HEMK2: variants seen among roughly 807,000 people sequenced by gnomAD.
The protein encoded by HEMK2 is HemK methyltransferase 2, ETF1 glutamine and histone H4 lysine.
At chr21:28,882,956 G>A in the HEMK2 span, 3 of 1,400,854 alleles carry the variant, frequency 2.1e-6, no homozygotes, top group Non-Finnish European at 3.0e-6. Flanking sequence ...CCTGTCAGTG[G>A]AAGATCTAGA....
At chr21:28,685,098 C>CA in the HEMK2 span, among the ~76,000 whole-genome samples, 2 of 151,664 alleles carry the variant, frequency 1.3e-5, no homozygotes, top group Admixed American at 1.3e-4. Context: ...AAAAAACCTA[C>CA]AAAAAACAGA....
At chr21:28,703,843 T>C in the HEMK2 span, among the ~76,000 whole-genome samples, 25 of 152,240 alleles carry the variant, frequency 1.6e-4, no homozygotes, top group African/African-American at 5.3e-4. Context: ...AAAATTACAG[T>C]GTAGTAACAC....
At chr21:28,675,002 C>G in the HEMK2 span, among the ~76,000 whole-genome samples, 3 of 152,142 alleles carry the variant, frequency 2.0e-5, no homozygotes, top group Non-Finnish European at 4.4e-5. Context: ...ATTCTGGGGG[C>G]ACATCAACAT....
the HEMK2 span, among the ~76,000 whole-genome samples, chr21:28,657,615 C>T: frequency 6.6e-6 from 1 of 152,074 alleles, no homozygotes; most frequent in Non-Finnish European, 1.5e-5. Flanking sequence ...GAAGTCAGAA[C>T]ACTTGAGATT....
At chr21:28,865,369 T>C in the HEMK2 span, among the ~76,000 whole-genome samples, 181 of 152,282 alleles carry the variant, frequency 1.2e-3, 3 homozygotes, top group African/African-American at 4.3e-3. Flanking sequence ...ATTCACCCTA[T>C]TGGCCAGGCT....
chr21:28,619,316 T>C, the HEMK2 span, among the ~76,000 whole-genome samples: 13 of 152,322 alleles, frequency 8.5e-5, no homozygotes, highest in East Asian at 2.1e-3. Context: ...ACAGCTCATA[T>C]AATTTTGTGC....
chr21:28,877,428 G>C, the HEMK2 span, among the ~76,000 whole-genome samples: 1 of 146,030 alleles, frequency 6.8e-6, no homozygotes, highest in Non-Finnish European at 1.5e-5. Context: ...GAAAGAAAGA[G>C]AGAGAGAAGG....
At chr21:28,667,885 A>C in the HEMK2 span, among the ~76,000 whole-genome samples, 1 of 152,194 alleles carries the variant, frequency 6.6e-6, no homozygotes, top group Non-Finnish European at 1.5e-5. Context: ...TAAATGAATT[A>C]ATACATGGAA....
At chr21:28,634,371 GTAGCTAACAGTACATTTCCA>G in the HEMK2 span, among the ~76,000 whole-genome samples, 1 of 152,204 alleles carries the variant, frequency 6.6e-6, no homozygotes, top group Non-Finnish European at 1.5e-5. Flanking sequence ...ATCTGTCGCA[GTAGCTAACAGTACATTTCCA>G]TGTATGTACT....
the HEMK2 span, among the ~76,000 whole-genome samples, chr21:28,697,203 C>A: frequency 6.6e-6 from 1 of 152,132 alleles, no homozygotes; most frequent in African/African-American, 2.4e-5. Flanking sequence ...CATTTTAAGC[C>A]TGCAAATTTT....
chr21:28,643,303 A>G, the HEMK2 span, among the ~76,000 whole-genome samples: 1 of 152,216 alleles, frequency 6.6e-6, no homozygotes, highest in African/African-American at 2.4e-5. Context: ...TCATGGGGGT[A>G]GAGCCCTCAT....
At chr21:28,601,315 A>G in the HEMK2 span, among the ~76,000 whole-genome samples, 2 of 152,060 alleles carry the variant, frequency 1.3e-5, no homozygotes, top group Admixed American at 6.5e-5. Context: ...TAGCATCCTC[A>G]CTGCACTTCC....
chr21:28,802,412 A>AG, the HEMK2 span, among the ~76,000 whole-genome samples: 1 of 152,302 alleles, frequency 6.6e-6, no homozygotes, highest in East Asian at 1.9e-4. Flanking sequence ...TTACATAGAG[A>AG]GGGAGCTGGA....
At chr21:28,664,161 T>C in the HEMK2 span, among the ~76,000 whole-genome samples, 1 of 152,348 alleles carries the variant, frequency 6.6e-6, no homozygotes, top group Admixed American at 6.5e-5. Context: ...TGCTTGATTC[T>C]TTCATTTGTT....
At chr21:28,842,708 G>A in the HEMK2 span, among the ~76,000 whole-genome samples, 1 of 152,236 alleles carries the variant, frequency 6.6e-6, no homozygotes, top group South Asian at 2.1e-4. Flanking sequence ...AGTGCTAGTA[G>A]TCGCATTTCC....
the HEMK2 span, among the ~76,000 whole-genome samples, chr21:28,597,732 T>C: frequency 2.0e-5 from 3 of 152,156 alleles, no homozygotes; most frequent in African/African-American, 7.2e-5. Context: ...CTGATAAGGA[T>C]TTTAGGCTGA....
chr21:28,876,589 T>G, the HEMK2 span: 1 of 682,804 alleles, frequency 1.5e-6, no homozygotes, highest in Admixed American at 3.3e-5. Flanking sequence ...ATTTATAAAT[T>G]GTATTCATCT....
At chr21:28,756,534 A>T in the HEMK2 span, among the ~76,000 whole-genome samples, 1 of 152,146 alleles carries the variant, frequency 6.6e-6, no homozygotes, top group Admixed American at 6.5e-5. Context: ...ATTATAAAAC[A>T]CATTAAATAT....
the HEMK2 span, chr21:28,882,907 T>C: frequency 1.0e-6 from 1 of 1,003,964 alleles, no homozygotes; most frequent in East Asian, 2.6e-5. Flanking sequence ...ATACATACTG[T>C]CTCTTTAAAA....
Sources: gnomAD v4.1 joint callset for allele counts (sites outside exome capture counted in the v4.1 genomes callset) on GRCh38, gnomAD v4.1.1 for gene constraint, MANE v1.5 for transcripts, NCBI Gene and HGNC (gene_info 2026-07-23, HGNC 2026-07-21) for gene names.